NFKBIB: variants seen among roughly 807,000 people sequenced by gnomAD.
NFKBIB encodes NF-kappa-B inhibitor beta.
NFKBIB carries 16 observed loss-of-function variants against 32.1 expected under a neutral mutation model. That is an observed-to-expected ratio of 0.50 (90% CI 0.34 to 0.76). The LOEUF is 0.76. NFKBIB is among the 30% of genes least tolerant of loss of function. The pLI, the probability that NFKBIB is intolerant of heterozygous loss-of-function variation, is 0.01. For missense variants in NFKBIB, 437 were observed against 514.9 expected (o/e 0.85, Z 1.46); for synonymous variants, 222 against 219.5 (o/e 1.01, Z -0.10).
intron 1 of NFKBIB, 97 bp from the exon 2 acceptor site, chr19:38,904,918 C>A: frequency 8.8e-7 from 1 of 1,139,210 alleles, no homozygotes; most frequent in Non-Finnish European, 1.3e-6. Flanking sequence ...GAACTGTGGT[C>A]ACAAGGCCTA....
At position 38,904,708 on chromosome 19, in the gene NFKBIB, T is replaced by G. The variant is rs1038699209; in HGVS notation, c.180-307T>G. 2.6e-5 allele frequency among the ~76,000 whole-genome samples: 4 copies of G among 152,072 alleles called. No individual in the cohort carries two copies. The East Asian group carries it at 7.7e-4, about 29-fold the overall frequency. On this transcript the variant is annotated intron_variant, in intron 1 of 5. Transcript: ENST00000313582. ...GTGATTCATTGCACGATGTCCAGTGTCTTCAACACTGTTGCTTCATATACC... is the reference window on the plus strand; with the variant it reads ...GTGATTCATTGCACGATGTCCAGTGGCTTCAACACTGTTGCTTCATATACC...
intron 1 of NFKBIB, 76 bp downstream of exon 1, chr19:38,900,287 G>GCTT: frequency 6.9e-7 from 1 of 1,445,236 alleles, no homozygotes; most frequent in East Asian, 2.5e-5. Flanking sequence ...GATCCCTGAG[G>GCTT]CTTCCTAACC....
intron 5 of NFKBIB, chr19:38,908,233 A>G: frequency 3.0e-6 from 3 of 993,260 alleles, no homozygotes; most frequent in Non-Finnish European, 3.6e-6. Flanking sequence ...ATTGGTCTGT[A>G]GAAATGACCT....
Position 38,907,598 on chromosome 19 carries a change from G to T in NFKBIB, c.908G>T (p.Gly303Val), listed in dbSNP as rs1438926344. The change falls in exon 5 of 6, where the codon GGC (glycine) becomes GTC (valine). Residue 303 changes from glycine to valine, a missense_variant. Gly to Val is a moderately radical substitution (Grantham distance 109). Coordinates refer to ENST00000313582, the MANE Select transcript of NFKBIB (RefSeq NM_002503.5). The stretch of plus-strand genomic sequence containing the variant: ...GCACACGGAGCCCCTGAGCCCGAGG[G>T]CGAGGACGAGAAATCCGGCCCCTGC... ...LRAHGAPEPE[G>V]EDEKSGPCSS... The T allele has an allele frequency of 8.7e-6, 14 of 1,611,850 alleles. No individual in the cohort carries two copies. Among genetic ancestry groups the T allele is most frequent in the Non-Finnish European group, 1.2e-5 (14 of 1,179,468 alleles).
intron 1 of NFKBIB, among the ~76,000 whole-genome samples, chr19:38,903,429 G>A (rs939373291): frequency 3.3e-5 from 5 of 151,898 alleles, no homozygotes; most frequent in South Asian, 2.1e-4. Context: ...GATTACAGGC[G>A]CATGCCACCA....
rs1433466172 is a variant in NFKBIB, at chr19:38,908,170, G to A, written c.969+511G>A. 6 of 995,510 alleles carry A rather than the reference G, an allele frequency of 6.0e-6. No individual in the cohort carries two copies. In the African/African-American group the frequency reaches 1.0e-4, roughly 17 times the overall value. 61.7% of individuals were successfully genotyped at this position (995,510 alleles called of 1,614,324 possible). A position where few individuals can be genotyped will look rare whatever the true frequency, so the allele number is the denominator to read the frequency against. On this transcript the variant is annotated intron_variant, in intron 5 of 5. Transcript: ENST00000313582. ...ATTTGGGTAAAGGCAGAGGGAAGGGGTGGAGGAGGGCCAGCTCAGTTGCCG... is the reference window on the plus strand; with the variant it reads ...ATTTGGGTAAAGGCAGAGGGAAGGGATGGAGGAGGGCCAGCTCAGTTGCCG...
At position 38,905,325 on chromosome 19, in the gene NFKBIB, G is replaced by T. The variant is rs1338518741; in HGVS notation, c.409G>T (p.Val137Leu). The T allele has an allele frequency of 2.5e-6, 4 of 1,610,116 alleles. No homozygotes were observed. Among genetic ancestry groups the T allele is most frequent in the Non-Finnish European group, 3.4e-6 (4 of 1,178,900 alleles). ...GHTALHLACR[V>L]GAHACARALL... The stretch of plus-strand genomic sequence containing the variant: ...CACGGCGCTGCACCTGGCCTGCCGT[G>T]TGGGGGCACACGCCTGTGCCCGTGC... The change falls in exon 3 of 6, where the codon GTG becomes TTG. Residue 137 changes from valine (V) to leucine (L), a missense_variant. Physicochemically the swap from Val to Leu is conservative, Grantham distance 32 (BLOSUM62 1). Transcript: ENST00000313582. This position sits in a 1 kb window ranked among gnomAD's most constrained non-coding sequence, Gnocchi z 5.5.
intron 1 of NFKBIB, 59 bp from the exon 2 acceptor site, chr19:38,904,956 C>G (rs2144731267): frequency 6.5e-7 from 1 of 1,527,550 alleles, no homozygotes; most frequent in East Asian, 2.2e-5. Flanking sequence ...CATGTTTGTT[C>G]AATGAAGGAA....
At chr19:38,901,893 T>C (rs1334993992) in intron 1 of NFKBIB, among the ~76,000 whole-genome samples, 1 of 151,766 alleles carries the variant, frequency 6.6e-6, no homozygotes, top group Non-Finnish European at 1.5e-5. Context: ...CTCTGCCTTT[T>C]AATTAGTGTT....
intron 1 of NFKBIB, 25 bp downstream of exon 1, chr19:38,900,236 C>A (rs1342152623): frequency 1.3e-6 from 2 of 1,569,052 alleles, no homozygotes; most frequent in Admixed American, 2.0e-5. Flanking sequence ...GGCTGCCAAA[C>A]GGAGCCCTAG....
chr19:38,907,843 C>T lies in NFKBIB; in HGVS notation c.969+184C>T, dbSNP rs2144741778. Reference sequence around the variant, plus strand: ...ACAGGGGTGGTGGGAAGAGCTTGGGCAGAAGTGGCTGAAAAACTAAGGCAG... The same window carrying T: ...ACAGGGGTGGTGGGAAGAGCTTGGGTAGAAGTGGCTGAAAAACTAAGGCAG... On this transcript the variant is annotated intron_variant, in intron 5 of 5. Coordinates refer to ENST00000313582, the MANE Select transcript of NFKBIB (RefSeq NM_002503.5). 4.2e-6 allele frequency: 6 copies of T among 1,412,178 alleles called. No homozygotes were observed. The East Asian group carries it at 1.0e-4, about 24-fold the overall frequency. 87.5% of individuals were successfully genotyped at this position (1,412,178 alleles called of 1,614,324 possible). A position where few individuals can be genotyped will look rare whatever the true frequency, so the allele number is the denominator to read the frequency against.
intron 1 of NFKBIB, among the ~76,000 whole-genome samples, chr19:38,900,782 C>T (rs1022461565): frequency 2.0e-5 from 3 of 152,182 alleles, no homozygotes; most frequent in Non-Finnish European, 2.9e-5. Context: ...ATATTCTTTA[C>T]ACATTACCAC....
In NFKBIB at chr19:38,907,845, G is replaced by A. The variant is rs539695373; in HGVS notation, c.969+186G>A. 10 of 1,413,866 alleles carry A rather than the reference G, an allele frequency of 7.1e-6. No homozygotes were observed. In the South Asian group the frequency reaches 1.5e-4, roughly 22 times the overall value. The allele number at this position is 1,413,866 out of a possible 1,614,324, so 87.6% of individuals were successfully genotyped here. A position where few individuals can be genotyped will look rare whatever the true frequency, so the allele number is the denominator to read the frequency against. ...AGGGGTGGTGGGAAGAGCTTGGGCA[G>A]AAGTGGCTGAAAAACTAAGGCAGTG... is the stretch of plus-strand genomic sequence containing the variant. On this transcript the variant is annotated intron_variant, in intron 5 of 5. Coordinates refer to ENST00000313582, the MANE Select transcript of NFKBIB (RefSeq NM_002503.5).
At chr19:38,902,149 C>T (rs1439405374) in intron 1 of NFKBIB, among the ~76,000 whole-genome samples, 3 of 129,388 alleles carry the variant, frequency 2.3e-5, no homozygotes, top group Admixed American at 1.0e-4. Flanking sequence ...GGTGCAATCT[C>T]GGCTCACTGC....
At position 38,907,619 on chromosome 19, in the gene NFKBIB, C is replaced by G. The variant is rs1451617363; in HGVS notation, c.929C>G (p.Pro310Arg). The change falls in exon 5 of 6, where the codon CCC becomes CGC. Residue 310 changes from proline to arginine, a missense_variant. By Grantham distance (103) the Pro-to-Arg change is moderately radical (BLOSUM62 -2). Coordinates refer to ENST00000313582, the MANE Select transcript of NFKBIB (RefSeq NM_002503.5). ...GAGGGCGAGGACGAGAAATCCGGCC[C>G]CTGCAGCAGCAGTAGCGACAGCGAC... ...EPEGEDEKSG[P>R]CSSSSDSDSG... 1 of 1,611,054 alleles carries G rather than the reference C, an allele frequency of 6.2e-7. No homozygotes were observed. Among genetic ancestry groups the G allele is most frequent in the African/African-American group, 1.3e-5 (1 of 75,028 alleles).
At chr19:38,902,181 T>C (rs368299962) in intron 1 of NFKBIB, among the ~76,000 whole-genome samples, 19 of 142,712 alleles carry the variant, frequency 1.3e-4, no homozygotes, top group Middle Eastern at 3.9e-3. Flanking sequence ...CCCAGGTTCA[T>C]GCCATTCTCC....
chr19:38,907,188 C>A, intron 3 of NFKBIB, 33 bp from the exon 4 acceptor site: 1 of 1,581,404 alleles, frequency 6.3e-7, no homozygotes, highest in Non-Finnish European at 8.7e-7. Flanking sequence ...GGGCCCTCAC[C>A]TCATCATCTG....
At chr19:38,904,141 G>A (rs994938990) in intron 1 of NFKBIB, among the ~76,000 whole-genome samples, 15 of 150,416 alleles carry the variant, frequency 1.0e-4, no homozygotes, top group African/African-American at 3.4e-4. Flanking sequence ...TTCTGGGATG[G>A]AGTTAAATTA....
intron 1 of NFKBIB, among the ~76,000 whole-genome samples, chr19:38,900,757 T>C (rs1973927522): frequency 6.6e-6 from 1 of 152,240 alleles, no homozygotes; most frequent in Non-Finnish European, 1.5e-5. Flanking sequence ...GACCAAGGAT[T>C]CATCTGTTAA....
Sources: allele counts gnomAD v4.1 joint callset (sites outside exome capture counted in the v4.1 genomes callset), GRCh38; gene constraint gnomAD v4.1.1; non-coding constraint Gnocchi (gnomAD v3.1); transcripts MANE v1.5; gene names NCBI Gene and HGNC (gene_info 2026-07-23, HGNC 2026-07-21).